AGPAT4: variants seen among roughly 807,000 people sequenced by gnomAD.
The protein encoded by AGPAT4 is 1-acyl-sn-glycerol-3-phosphate acyltransferase delta.
In AGPAT4, 15 loss-of-function variants were observed where a neutral mutation model predicts 48.0. The ratio of observed to expected loss-of-function variants is 0.31; its 90% CI spans 0.21 to 0.48. The LOEUF is 0.48. Ranked by LOEUF, AGPAT4 falls within the 20% of genes least tolerant of loss-of-function variation. The pLI, the probability that AGPAT4 is intolerant of heterozygous loss-of-function variation, is 0.99. For synonymous variants in AGPAT4, 178 were observed against 198.7 expected, an observed-to-expected ratio of 0.90 and a Z score of 0.88; for missense variants, 314 against 482.5, an observed-to-expected ratio of 0.65 and a Z score of 3.27.
intron 2 of AGPAT4, among the ~76,000 whole-genome samples, chr6:161,174,232 T>C (rs1451294261): frequency 2.0e-5 from 3 of 152,224 alleles, no homozygotes; most frequent in African/African-American, 7.2e-5. Context: ...TAAATTACCT[T>C]GGGCAGTATG....
chr6:161,190,512 C>T (rs1780892671), intron 2 of AGPAT4, among the ~76,000 whole-genome samples: 1 of 151,706 alleles, frequency 6.6e-6, no homozygotes, highest in Admixed American at 6.6e-5. Context: ...CTCCCTCTGC[C>T]TCCCAACTGG....
Position 161,136,215 on chromosome 6 carries a change from C to T in AGPAT4, c.*325G>A, listed in dbSNP as rs956944519. On this transcript the variant is annotated 3_prime_UTR_variant, in exon 9 of 9. Transcript: ENST00000320285. ...GGATGAAAGGGGAACTTGTCCCCTT[C>T]GGTCCCCAGCCCTGCCCTCCCCTGC... The T allele has an allele frequency of 7.0e-6, 2 of 285,538 alleles. No homozygotes were observed. Among genetic ancestry groups the T allele is most frequent in the South Asian group, 5.7e-5 (1 of 17,490 alleles). The allele number at this position is 285,538 out of a possible 1,614,324, so 17.7% of individuals were successfully genotyped here. A position where few individuals can be genotyped will look rare whatever the true frequency, so the allele number is the denominator to read the frequency against.
Position 161,158,248 on chromosome 6 carries a change from A to T in AGPAT4, c.349-3938T>A, listed in dbSNP as rs1438197356. 3.9e-5 allele frequency among the ~76,000 whole-genome samples: 6 copies of T among 152,238 alleles called. No individual in the cohort carries two copies. On this transcript the variant is annotated intron_variant, in intron 3 of 8. Coordinates refer to ENST00000320285, the MANE Select transcript of AGPAT4 (RefSeq NM_020133.3). This position sits in a 1 kb window ranked among gnomAD's most constrained non-coding sequence, Gnocchi z 5.3. ...ACATACTGACAGTTCCCCCGGCAAAAGGTTCAATAGGCTATAACTATCATG... is the reference window on the plus strand; with the variant it reads ...ACATACTGACAGTTCCCCCGGCAAATGGTTCAATAGGCTATAACTATCATG...
At chr6:161,265,723 GTCTGCACAGA>G (rs773299898) in intron 1 of AGPAT4, among the ~76,000 whole-genome samples, 23 of 152,274 alleles carry the variant, frequency 1.5e-4, no homozygotes, top group South Asian at 1.0e-3. Context: ...AGGAGGGCCT[GTCTGCACAGA>G]TCTGGGTGTG....
In AGPAT4 at chr6:161,153,505, A is replaced by C. The variant is rs778644247; in HGVS notation, c.511-6T>G. 1.2e-6 allele frequency: 2 copies of C among 1,613,400 alleles called. No individual in the cohort carries two copies. Among genetic ancestry groups the C allele is most frequent in the South Asian group, 2.2e-5 (2 of 90,814 alleles). Reference sequence around the variant, plus strand: ...CCCTCACAGTGAATCAGGAACTGGAAGGAAGGAGGCAGGAGTCGCACGCAG... The same window carrying C: ...CCCTCACAGTGAATCAGGAACTGGACGGAAGGAGGCAGGAGTCGCACGCAG... On this transcript the variant is annotated splice_polypyrimidine_tract_variant and splice_region_variant and intron_variant, in intron 4 of 8. Coordinates refer to ENST00000320285, the MANE Select transcript of AGPAT4 (RefSeq NM_020133.3).
Position 161,158,014 on chromosome 6 carries a change from G to T in AGPAT4, c.349-3704C>A, listed in dbSNP as rs1779809686. Among the ~76,000 whole-genome samples, 1 of 152,186 alleles carries T rather than the reference G, an allele frequency of 6.6e-6. No homozygotes were observed. Among genetic ancestry groups the T allele is most frequent in the Non-Finnish European group, 1.5e-5 (1 of 68,030 alleles). On this transcript the variant is annotated intron_variant, in intron 3 of 8. Transcript: ENST00000320285. The surrounding 1 kb of genome is among the most constrained non-coding windows in gnomAD (Gnocchi z 5.3). ...AGCACAAAGTTGAGACTCTGACATGGGCGTTCAATAACTTGTAGCTATTAT... is the reference window on the plus strand; with the variant it reads ...AGCACAAAGTTGAGACTCTGACATGTGCGTTCAATAACTTGTAGCTATTAT...
At chr6:161,156,358 G>A (rs1779769082) in intron 3 of AGPAT4, among the ~76,000 whole-genome samples, 2 of 150,852 alleles carry the variant, frequency 1.3e-5, no homozygotes, top group African/African-American at 4.8e-5. Flanking sequence ...GCTACACACA[G>A]GAGTGTTTTT....
rs1343789870 is a variant in AGPAT4, at chr6:161,134,080, T to G, written c.*2460A>C. ...GTGTAAGGAAACCAGGTTCCCAGGC[T>G]GCATAACAAAATTGTTCTTCGTGGA... On this transcript the variant is annotated 3_prime_UTR_variant, in exon 9 of 9. Transcript: ENST00000320285. 6.6e-6 allele frequency: 1 copy of G among 152,248 alleles called. No individual in the cohort carries two copies. The highest frequency in any genetic ancestry group is 2.4e-5 in the African/African-American group (1 of 41,452). The allele number at this position is 152,248 out of a possible 1,614,324, so 9.4% of individuals were successfully genotyped here. A position where few individuals can be genotyped will look rare whatever the true frequency, so the allele number is the denominator to read the frequency against.
intron 2 of AGPAT4, among the ~76,000 whole-genome samples, chr6:161,224,818 T>C (rs770399318): frequency 2.6e-5 from 4 of 152,230 alleles, no homozygotes; most frequent in Non-Finnish European, 4.4e-5. Context: ...GTAACATCTT[T>C]GTTGCTTGAT....
intron 2 of AGPAT4, among the ~76,000 whole-genome samples, chr6:161,230,183 T>A (rs1487734355): frequency 6.6e-6 from 1 of 152,212 alleles, no homozygotes; most frequent in Non-Finnish European, 1.5e-5. Flanking sequence ...AGCAAGTCTT[T>A]ACCATCAATC....
rs1780504336 is a variant in AGPAT4, at chr6:161,178,848, T to A, written c.179-12431A>T. Among the ~76,000 whole-genome samples the A allele has an allele frequency of 6.6e-6, 1 of 152,240 alleles. No individual in the cohort carries two copies. Among genetic ancestry groups the A allele is most frequent in the Non-Finnish European group, 1.5e-5 (1 of 68,042 alleles). ...ACTGTGCTGCTCTCTGAGGGCTCAGTGAATGCCATCTCTCTACAAAGCAGT... is the reference window on the plus strand; with the variant it reads ...ACTGTGCTGCTCTCTGAGGGCTCAGAGAATGCCATCTCTCTACAAAGCAGT... On this transcript the variant is annotated intron_variant, in intron 2 of 8. Coordinates refer to ENST00000320285, the MANE Select transcript of AGPAT4 (RefSeq NM_020133.3). The surrounding 1 kb of genome is among the most constrained non-coding windows in gnomAD (Gnocchi z 5.1).
intron 2 of AGPAT4, among the ~76,000 whole-genome samples, chr6:161,194,583 T>C (rs779326583): frequency 7.6e-5 from 11 of 145,630 alleles, no homozygotes; most frequent in South Asian, 4.2e-4. Context: ...TGTGTGTATA[T>C]ATGTGTATGT....
intron 2 of AGPAT4, among the ~76,000 whole-genome samples, chr6:161,211,736 C>A (rs1413649202): frequency 1.3e-5 from 2 of 152,098 alleles, no homozygotes; most frequent in African/African-American, 4.8e-5. Flanking sequence ...ATCTGTATAT[C>A]TCTCTGCATG....
chr6:161,183,795 C>G (rs188756295), intron 2 of AGPAT4, among the ~76,000 whole-genome samples: 1 of 148,792 alleles, frequency 6.7e-6, no homozygotes, highest in Non-Finnish European at 1.5e-5. Context: ...TCTCAGATGA[C>G]GCGTATATGA....
Position 161,232,357 on chromosome 6 carries a change from CA to C in AGPAT4, c.-89-56del. ...CAAAAACACGATGTGCTTTTAGAGT[CA>C]GAAAAAAAGTGCTCTGAAAAGAAAA... On this transcript the variant is annotated intron_variant, in intron 1 of 8. Transcript: ENST00000320285. This position sits in a 1 kb window ranked among gnomAD's most constrained non-coding sequence, Gnocchi z 6.8. 1.2e-6 allele frequency: 1 copy of C among 827,146 alleles called. No individual in the cohort carries two copies. Among genetic ancestry groups the C allele is most frequent in the Non-Finnish European group, 1.8e-6 (1 of 550,242 alleles). 51.2% of individuals were successfully genotyped at this position (827,146 alleles called of 1,614,324 possible).
At chr6:161,239,813 G>T (rs1339157538) in intron 1 of AGPAT4, among the ~76,000 whole-genome samples, 1 of 152,172 alleles carries the variant, frequency 6.6e-6, no homozygotes, top group African/African-American at 2.4e-5. Flanking sequence ...GCCTCAGTGT[G>T]AGTACAAATC....
Position 161,155,998 on chromosome 6 carries a change from C to A in AGPAT4, c.349-1688G>T, listed in dbSNP as rs1779757195. Among the ~76,000 whole-genome samples, 2 of 152,196 alleles carry A rather than the reference C, an allele frequency of 1.3e-5. No individual in the cohort carries two copies. Among genetic ancestry groups the A allele is most frequent in the Non-Finnish European group, 2.9e-5 (2 of 68,046 alleles). ...CACTCTCAGGGATATTTCCCGTTCA[C>A]AATTCTATCTTGCAAGATCCTAGTG... On this transcript the variant is annotated intron_variant, in intron 3 of 8. Coordinates refer to ENST00000320285, the MANE Select transcript of AGPAT4 (RefSeq NM_020133.3). This position sits in a 1 kb window ranked among gnomAD's most constrained non-coding sequence, Gnocchi z 5.8.
rs377016974 is a variant in AGPAT4 at position 161,262,207 on chromosome 6, TA to T, written c.-90+11730del. ...TCAGCCCATAATCATTTATAGAACT[TA>T]AAAAAAAATGAGCCTGAATTGGTTG... On this transcript the variant is annotated intron_variant, in intron 1 of 8. Transcript: ENST00000320285. This position sits in a 1 kb window ranked among gnomAD's most constrained non-coding sequence, Gnocchi z 4.9. Among the ~76,000 whole-genome samples the T allele has an allele frequency of 2.0e-5, 3 of 151,084 alleles. No individual in the cohort carries two copies. Among genetic ancestry groups the T allele is most frequent in the South Asian group, 4.2e-4 (2 of 4,766 alleles).
chr6:161,256,149 A>G lies in AGPAT4; in HGVS notation c.-90+17789T>C, dbSNP rs935492613. ...CCACCACAGCACTTGCAGGAAGTAA[A>G]ACAGATCCCCCTCAACTGAAATGAT... On this transcript the variant is annotated intron_variant, in intron 1 of 8. Coordinates refer to ENST00000320285, the MANE Select transcript of AGPAT4 (RefSeq NM_020133.3). 2.0e-5 allele frequency among the ~76,000 whole-genome samples: 3 copies of G among 152,110 alleles called. No individual in the cohort carries two copies. The South Asian group carries it at 6.2e-4, about 32-fold the overall frequency.
Sources: gnomAD v4.1 joint callset for allele counts (sites outside exome capture counted in the v4.1 genomes callset) on GRCh38, gnomAD v4.1.1 for gene constraint, Gnocchi (gnomAD v3.1) non-coding constraint, MANE v1.5 for transcripts, NCBI Gene and HGNC (gene_info 2026-07-23, HGNC 2026-07-21) for gene names.